The following PRR3 variants were observed in gnomAD, a reference collection of about 807,000 sequenced individuals.
PRR3 encodes proline-rich protein 3.
A neutral mutation model predicts 22.4 loss-of-function variants in PRR3; 16 were observed. The ratio of observed to expected loss-of-function variants is 0.71; its 90% confidence interval spans 0.48 to 1.09. PRR3 has a LOEUF of 1.09. Among genes scored for constraint, PRR3 ranks in the 50% least tolerant of loss-of-function variants. The pLI is 0.00. For synonymous variants in PRR3, 87 were observed against 88.6 expected, an observed-to-expected ratio of 0.98 and a Z score of 0.10; for missense variants, 224 against 243.4, an observed-to-expected ratio of 0.92 and a Z score of 0.53.
In PRR3 at chr6:30,561,234, A is replaced by C. The variant is rs1219510434; in HGVS notation, c.170-600A>C. The C allele has an allele frequency of 5.2e-6, 2 of 386,080 alleles. No homozygotes were observed. Among genetic ancestry groups the C allele is most frequent in the Non-Finnish European group, 1.0e-5 (2 of 196,840 alleles). 23.9% of individuals were successfully genotyped at this position (386,080 alleles called of 1,614,324 possible). A position where few individuals can be genotyped will look rare whatever the true frequency, so the allele number is the denominator to read the frequency against. On this transcript the variant is annotated intron_variant, in intron 2 of 3. Transcript: ENST00000376560. The surrounding 1 kb of genome is among the most constrained non-coding windows in gnomAD (Gnocchi z 4.0). ...GAGCATAACATATACTTTATAAGCC[A>C]GTAATACCTCTACTACGTATATATT... is the stretch of plus-strand genomic sequence containing the variant.
chr6:30,559,110 G>A (rs1251552444), intron 2 of PRR3, among the ~76,000 whole-genome samples: 1 of 152,230 alleles, frequency 6.6e-6, no homozygotes, highest in Non-Finnish European at 1.5e-5. Context: ...GGGTACAGTG[G>A]CTCACGCCTG....
chr6:30,561,543 C>A lies in PRR3; in HGVS notation c.170-291C>A. 1 of 601,632 alleles carries A rather than the reference C, an allele frequency of 1.7e-6. No individual in the cohort carries two copies. Among genetic ancestry groups the A allele is most frequent in the African/African-American group, 1.8e-5 (1 of 54,466 alleles). The allele number at this position is 601,632 out of a possible 1,614,324, so 37.3% of individuals were successfully genotyped here. On this transcript the variant is annotated intron_variant, in intron 2 of 3. Transcript: ENST00000376560. The surrounding 1 kb of genome is among the most constrained non-coding windows in gnomAD (Gnocchi z 4.0). Reference sequence around the variant, plus strand: ...CATTTTTGTGAAGTTCAAAAACAGGCAAAAACTAACCTATGGTGTCAGGAT... The same window carrying A: ...CATTTTTGTGAAGTTCAAAAACAGGAAAAAACTAACCTATGGTGTCAGGAT...
chr6:30,561,701 G>A lies in PRR3; in HGVS notation c.170-133G>A. On this transcript the variant is annotated intron_variant, in intron 2 of 3. Coordinates refer to ENST00000376560, the MANE Select transcript of PRR3 (RefSeq NM_025263.4). This position sits in a 1 kb window ranked among gnomAD's most constrained non-coding sequence, Gnocchi z 4.0. ...AAGTGTGTCTACTTTGTGAGAACTG[G>A]GTTGTGCACTTAAAACTGGTGTGTC... 1.3e-6 allele frequency: 1 copy of A among 754,974 alleles called. No individual in the cohort carries two copies. Among genetic ancestry groups the A allele is most frequent in the Non-Finnish European group, 2.1e-6 (1 of 480,270 alleles). 46.8% of individuals were successfully genotyped at this position (754,974 alleles called of 1,614,324 possible). A position where few individuals can be genotyped will look rare whatever the true frequency, so the allele number is the denominator to read the frequency against.
rs916017356 is a variant in PRR3, at chr6:30,561,931, G to A, written c.267G>A (p.Gly89=). ...PPWGRGPIRR[G]LGPRSSPYGR... is the part of the protein sequence containing the mutation. ...GGGGTAGAGGCCCAATTCGGAGAGG[G>A]CTTGGCCCCAGGTCTAGCCCATATG... The change falls in exon 3 of 4, where the codon GGG becomes GGA. Residue 89 remains glycine, a synonymous_variant. Coordinates refer to ENST00000376560, the MANE Select transcript of PRR3 (RefSeq NM_025263.4). This position sits in a 1 kb window ranked among gnomAD's most constrained non-coding sequence, Gnocchi z 4.0. 1 of 1,612,942 alleles carries A rather than the reference G, an allele frequency of 6.2e-7. No homozygotes were observed. Among genetic ancestry groups the A allele is most frequent in the South Asian group, 1.1e-5 (1 of 91,072 alleles).
rs147256001 is a variant in PRR3 at position 30,557,848 on chromosome 6, A to C, written c.107-302A>C. Among the ~76,000 whole-genome samples, 17 of 152,280 alleles carry C rather than the reference A, an allele frequency of 1.1e-4. 1 individual carries two copies. In the East Asian group the frequency reaches 3.3e-3, roughly 29 times the overall value. Reference sequence around the variant, plus strand: ...CTCTGGCCAGCAGTTAAGGTGAGGGATTGGTTCATGTCTGGAGACACTTAG... The same window carrying C: ...CTCTGGCCAGCAGTTAAGGTGAGGGCTTGGTTCATGTCTGGAGACACTTAG... On this transcript the variant is annotated intron_variant, in intron 1 of 3. Transcript: ENST00000376560.
Position 30,557,414 on chromosome 6 carries a change from G to C in PRR3, c.70G>C (p.Glu24Gln). The C allele has an allele frequency of 1.2e-6, 2 of 1,612,456 alleles. No homozygotes were observed. Among genetic ancestry groups the C allele is most frequent in the Non-Finnish European group, 1.7e-6 (2 of 1,179,864 alleles). ...GCAGCAGCCCCCGCTGCCCGAGCGG[G>C]AAGAGACTGGAGATGAGGAGGATGG... ...TQQQPPLPER[E>Q]ETGDEEDGSP... Residue 24 changes from glutamate (E) to glutamine (Q), a missense_variant, in exon 1 of 4, where the codon GAA (glutamate) becomes CAA (glutamine). Transcript: ENST00000376560.
upstream of PRR3, chr6:30,557,292 T>C (rs1447642401): frequency 1.4e-6 from 2 of 1,381,650 alleles, no homozygotes; most frequent in Non-Finnish European, 2.0e-6. Context: ...AATCCCCGCG[T>C]GCCCCTTCCT....
In PRR3 at chr6:30,561,717, C is replaced by T; in HGVS notation, c.170-117C>T. On this transcript the variant is annotated intron_variant, in intron 2 of 3. Transcript: ENST00000376560. The surrounding 1 kb of genome is among the most constrained non-coding windows in gnomAD (Gnocchi z 4.0). The stretch of plus-strand genomic sequence containing the variant: ...TGAGAACTGGGTTGTGCACTTAAAA[C>T]TGGTGTGTCTTTATGTATGCTGTTC... 3.4e-6 allele frequency: 3 copies of T among 893,422 alleles called. No individual in the cohort carries two copies. Among genetic ancestry groups the T allele is most frequent in the Non-Finnish European group, 5.0e-6 (3 of 605,538 alleles). The allele number at this position is 893,422 out of a possible 1,614,324, so 55.3% of individuals were successfully genotyped here. A position where few individuals can be genotyped will look rare whatever the true frequency, so the allele number is the denominator to read the frequency against.
rs1160141894 is a variant in PRR3 at position 30,561,434 on chromosome 6, T to C, written c.170-400T>C. ...ACTGCAACGAAAATGAATGAACTGCTGCTACAGGCAACCTGGATGAATCTC... is the reference window on the plus strand; with the variant it reads ...ACTGCAACGAAAATGAATGAACTGCCGCTACAGGCAACCTGGATGAATCTC... On this transcript the variant is annotated intron_variant, in intron 2 of 3. Transcript: ENST00000376560. The surrounding 1 kb of genome is among the most constrained non-coding windows in gnomAD (Gnocchi z 4.0). 2.0e-5 allele frequency: 10 copies of C among 488,514 alleles called. No homozygotes were observed. The highest frequency in any genetic ancestry group is 3.2e-5 in the Non-Finnish European group (8 of 249,398). The allele number at this position is 488,514 out of a possible 1,614,324, so 30.3% of individuals were successfully genotyped here. A position where few individuals can be genotyped will look rare whatever the true frequency, so the allele number is the denominator to read the frequency against.
intron 2 of PRR3, among the ~76,000 whole-genome samples, chr6:30,559,867 A>G (rs941838288): frequency 6.6e-6 from 1 of 152,188 alleles, no homozygotes; most frequent in African/African-American, 2.4e-5. Flanking sequence ...TGTTCATAGC[A>G]GCAGTATTCA....
At position 30,562,433 on chromosome 6, in the gene PRR3, C is replaced by G. The variant is rs377714903; in HGVS notation, c.505C>G (p.His169Asp). The G allele has an allele frequency of 3.6e-5, 58 of 1,614,160 alleles. No homozygotes were observed. In the African/African-American group the frequency reaches 7.6e-4, roughly 21 times the overall value. The change falls in exon 4 of 4, where the codon CAC (histidine) becomes GAC (aspartate). Residue 169 changes from histidine to aspartate, a missense_variant. Transcript: ENST00000376560. ...CTGCCGACATTTTGCCAAAAAGGGC[C>G]ACTGTCGATATGAGGACCTCTGTGC... Reference protein sequence around the residue: ...PVCRHFAKKGHCRYEDLCAFY... With the variant: ...PVCRHFAKKGDCRYEDLCAFY...
In PRR3 at chr6:30,561,707, G is replaced by A. The variant is rs780685949; in HGVS notation, c.170-127G>A. The stretch of plus-strand genomic sequence containing the variant: ...GTCTACTTTGTGAGAACTGGGTTGT[G>A]CACTTAAAACTGGTGTGTCTTTATG... On this transcript the variant is annotated intron_variant, in intron 2 of 3. Coordinates refer to ENST00000376560, the MANE Select transcript of PRR3 (RefSeq NM_025263.4). This position sits in a 1 kb window ranked among gnomAD's most constrained non-coding sequence, Gnocchi z 4.0. 1.3e-6 allele frequency: 1 copy of A among 791,826 alleles called. No individual in the cohort carries two copies. The highest frequency in any genetic ancestry group is 1.9e-6 in the Non-Finnish European group (1 of 513,512). 49.1% of individuals were successfully genotyped at this position (791,826 alleles called of 1,614,324 possible). A position where few individuals can be genotyped will look rare whatever the true frequency, so the allele number is the denominator to read the frequency against.
At chr6:30,557,168 G>T, upstream of PRR3, 1 of 704,948 alleles carries the variant, frequency 1.4e-6, no homozygotes, top group Non-Finnish European at 2.6e-6. Context: ...AGAGACGGAG[G>T]GAGGCAGTTG....
chr6:30,556,897 G>A, upstream of PRR3: 1 of 604,470 alleles, frequency 1.7e-6, no homozygotes, highest in Non-Finnish European at 2.9e-6. This position sits in a 1 kb window ranked among gnomAD's most constrained non-coding sequence, Gnocchi z 5.7. Context: ...ACCCAAGCGG[G>A]ACAAGGACTT....
At chr6:30,558,547 G>A in intron 2 of PRR3, 1 of 320,638 alleles carries the variant, frequency 3.1e-6, no homozygotes, top group South Asian at 4.2e-5. Context: ...TTTGTAAGCT[G>A]GGCATGGTGG....
At position 30,562,043 on chromosome 6, in the gene PRR3, C is replaced by A. The variant is rs1331874164; in HGVS notation, c.379C>A (p.Gln127Lys). 1 of 1,612,846 alleles carries A rather than the reference C, an allele frequency of 6.2e-7. No individual in the cohort carries two copies. Among genetic ancestry groups the A allele is most frequent in the Non-Finnish European group, 8.5e-7 (1 of 1,179,986 alleles). Reference protein sequence around the residue: ...GPTRGSFHKEQRNPRRLKSWS... With the variant: ...GPTRGSFHKEKRNPRRLKSWS... ...CACCAGGGGAAGCTTTCACAAGGAA[C>A]AGAGAAACCCTCGAAGGCTCAAAAG... The change falls in exon 3 of 4, where the codon CAG becomes AAG. Residue 127 changes from glutamine (Q) to lysine (K), a missense_variant. By Grantham distance (53) the Gln-to-Lys change is moderately conservative. Transcript: ENST00000376560.
In PRR3 at chr6:30,562,096, G is replaced by A. The variant is rs17189092; in HGVS notation, c.432G>A (p.Pro144=). 5.3e-3 allele frequency: 8,545 copies of A among 1,599,458 alleles called. 32 individuals carry two copies. Among genetic ancestry groups the A allele is most frequent in the Non-Finnish European group, 5.7e-3 (6,709 of 1,173,404 alleles). ...GGTCTCTTATCAAGAATACCTGCCCGCCCAAGGATGACCCCCAGGTTATGG... is the reference window on the plus strand; with the variant it reads ...GGTCTCTTATCAAGAATACCTGCCCACCCAAGGATGACCCCCAGGTTATGG... The part of the protein sequence containing the change: ...KSWSLIKNTC[P]PKDDPQVMED... Residue 144 remains proline, a synonymous_variant, in exon 3 of 4, where the codon CCG becomes CCA. Transcript: ENST00000376560.
intron 1 of PRR3, 105 bp downstream of exon 1, chr6:30,557,555 G>A (rs1800338804): frequency 1.1e-5 from 8 of 754,664 alleles, no homozygotes; most frequent in Non-Finnish European, 1.7e-5. Flanking sequence ...AAGGAGGAAG[G>A]GCGCACGCGC....
Position 30,561,760 on chromosome 6 carries a change from TTTTAATCACGG to T in PRR3, c.170-69_170-59del. 1 of 1,422,548 alleles carries T rather than the reference TTTTAATCACGG, an allele frequency of 7.0e-7. No individual in the cohort carries two copies. Among genetic ancestry groups the T allele is most frequent in the Non-Finnish European group, 9.3e-7 (1 of 1,077,710 alleles). The allele number at this position is 1,422,548 out of a possible 1,614,324, so 88.1% of individuals were successfully genotyped here. A position where few individuals can be genotyped will look rare whatever the true frequency, so the allele number is the denominator to read the frequency against. On this transcript the variant is annotated intron_variant, in intron 2 of 3. Coordinates refer to ENST00000376560, the MANE Select transcript of PRR3 (RefSeq NM_025263.4). This position sits in a 1 kb window ranked among gnomAD's most constrained non-coding sequence, Gnocchi z 4.0. ...TGCTGTTCTTCAATAAAAAAAATTT[TTTTAATCACGG>T]TTTATCAGGATTCAGCTGCCCATTA...
Sources: allele counts gnomAD v4.1 joint callset (sites outside exome capture counted in the v4.1 genomes callset), GRCh38; gene constraint gnomAD v4.1.1; non-coding constraint Gnocchi (gnomAD v3.1); transcripts MANE v1.5; gene names NCBI Gene and HGNC (gene_info 2026-07-23, HGNC 2026-07-21).